The following MYSM1 variants were observed in gnomAD, a reference collection of about 807,000 sequenced individuals.
MYSM1 encodes the protein Myb like, SWIRM and MPN domains 1, also known as deubiquitinase MYSM1.
In MYSM1, 51 loss-of-function variants were observed where a neutral mutation model predicts 116.0. That is an observed-to-expected ratio of 0.44 (90% CI 0.35 to 0.56). MYSM1 has a LOEUF of 0.56. Among genes scored for constraint, MYSM1 ranks in the 20% least tolerant of loss-of-function variants. The probability of loss-of-function intolerance (pLI) is 0.00; values close to 1 mark genes in which losing one functional copy is unlikely to be tolerated. For synonymous variants in MYSM1, 313 were observed against 315.2 expected (o/e 0.99, Z 0.07); for missense variants, 900 against 974.9 (o/e 0.92, Z 1.02).
chr1:58,662,679 T>A (rs1644412085), intron 17 of MYSM1, among the ~76,000 whole-genome samples: 1 of 151,390 alleles, frequency 6.6e-6, no homozygotes, highest in African/African-American at 2.4e-5. Flanking sequence ...AGGGGAAAAA[T>A]ACAATTATTT....
At chr1:58,675,445 TG>T in intron 10 of MYSM1, 31 bp downstream of exon 10, 3 of 1,493,714 alleles carry the variant, frequency 2.0e-6, no homozygotes, top group Non-Finnish European at 2.8e-6. Context: ...AGCAGCAATG[TG>T]GAGAGATCAC....
At chr1:58,669,710 C>T (rs1644527046) in intron 12 of MYSM1, among the ~76,000 whole-genome samples, 1 of 151,622 alleles carries the variant, frequency 6.6e-6, no homozygotes, top group Admixed American at 6.6e-5. Context: ...TGCCTGTAGT[C>T]CCAGCCACTC....
At chr1:58,696,059 T>C (rs1296642689) in intron 1 of MYSM1, among the ~76,000 whole-genome samples, 2 of 152,240 alleles carry the variant, frequency 1.3e-5, no homozygotes, top group Admixed American at 6.5e-5. Flanking sequence ...GCAGTAGTTA[T>C]AATAAATTGT....
intron 16 of MYSM1, among the ~76,000 whole-genome samples, chr1:58,666,432 G>A (rs560365538): frequency 6.6e-6 from 1 of 151,900 alleles, no homozygotes; most frequent in African/African-American, 2.4e-5. Flanking sequence ...GGCTCTGGGA[G>A]TATTTACCAG....
chr1:58,673,057 G>GTAAT (rs1479304759), intron 11 of MYSM1, among the ~76,000 whole-genome samples: 1 of 152,058 alleles, frequency 6.6e-6, no homozygotes, highest in Non-Finnish European at 1.5e-5. Context: ...CTTTGAGGGA[G>GTAAT]GTATTATTAT....
intron 7 of MYSM1, among the ~76,000 whole-genome samples, chr1:58,684,482 G>A (rs556915589): frequency 2.0e-5 from 3 of 150,214 alleles, no homozygotes; most frequent in Admixed American, 1.3e-4. Flanking sequence ...GGAGAATGGC[G>A]TGAACCTGGG....
rs771551365 is a variant in MYSM1 at position 58,692,977 on chromosome 1, G to A, written c.148-46C>T. 2.8e-6 allele frequency: 4 copies of A among 1,439,424 alleles called. No individual in the cohort carries two copies. The Admixed American group carries it at 6.4e-5, about 23-fold the overall frequency. 89.2% of individuals were successfully genotyped at this position (1,439,424 alleles called of 1,614,324 possible). On this transcript the variant is annotated intron_variant, in intron 2 of 19. Coordinates refer to ENST00000472487, the MANE Select transcript of MYSM1 (RefSeq NM_001085487.3). ...TTTGTCTTTTTATTTATTGCTTTTTGAAATTATCTTCTGTTTTGGTAAAGA... is the reference window on the plus strand; with the variant it reads ...TTTGTCTTTTTATTTATTGCTTTTTAAAATTATCTTCTGTTTTGGTAAAGA...
intron 15 of MYSM1, 134 bp from the exon 16 acceptor site, chr1:58,667,360 A>C (rs995382790): frequency 7.0e-6 from 4 of 571,284 alleles, no homozygotes; most frequent in Non-Finnish European, 1.1e-5. Context: ...AGTTGCCTTT[A>C]ACTTGCAAAT....
In MYSM1 at chr1:58,690,724, T is replaced by C. The variant is rs528959250; in HGVS notation, c.219-307A>G. On this transcript the variant is annotated intron_variant, in intron 3 of 19. Coordinates refer to ENST00000472487, the MANE Select transcript of MYSM1 (RefSeq NM_001085487.3). ...GCTCATCAGCTATCATTAGTGTATT[T>C]TATGTGGGGCCCAAGAAAATTCTTC... Among the ~76,000 whole-genome samples the C allele has an allele frequency of 7.2e-5, 11 of 152,162 alleles. No homozygotes were observed. The East Asian group carries it at 2.1e-3, about 29-fold the overall frequency.
At chr1:58,663,172 A>C (rs1328018873) in intron 17 of MYSM1, among the ~76,000 whole-genome samples, 2 of 152,186 alleles carry the variant, frequency 1.3e-5, no homozygotes, top group Non-Finnish European at 2.9e-5. Flanking sequence ...CTCTCAATGA[A>C]AGTTGAAGAT....
chr1:58,662,815 C>T (rs559476598), intron 17 of MYSM1, among the ~76,000 whole-genome samples: 1 of 152,098 alleles, frequency 6.6e-6, no homozygotes, highest in South Asian at 2.1e-4. Context: ...TTTAATTGCT[C>T]AATTTTCCTC....
chr1:58,674,948 A>G (rs1487138959), intron 10 of MYSM1, among the ~76,000 whole-genome samples: 1 of 151,690 alleles, frequency 6.6e-6, no homozygotes, highest in Non-Finnish European at 1.5e-5. Context: ...AAAAAGAAAA[A>G]AAAAGTGTTG....
chr1:58,693,792 A>G (rs559510693), intron 2 of MYSM1, among the ~76,000 whole-genome samples: 1 of 152,338 alleles, frequency 6.6e-6, no homozygotes, highest in Non-Finnish European at 1.5e-5. Flanking sequence ...CCCAAAATTA[A>G]TTTTATAAAA....
chr1:58,695,123 ACTT>A lies in MYSM1; in HGVS notation c.147+3_147+5del, dbSNP rs760262734. The A allele has an allele frequency of 6.4e-7, 1 of 1,554,736 alleles. No homozygotes were observed. Among genetic ancestry groups the A allele is most frequent in the Non-Finnish European group, 8.9e-7 (1 of 1,127,626 alleles). On this transcript the variant is annotated splice_donor_5th_base_variant and intron_variant, in intron 2 of 19. Coordinates refer to ENST00000472487, the MANE Select transcript of MYSM1 (RefSeq NM_001085487.3). ...AATGCACCTGATATTTTTATAAAATACTTACAATAAGGCCATTCTCTGTTCTCC... is the reference window on the plus strand; with the variant it reads ...AATGCACCTGATATTTTTATAAAATAACAATAAGGCCATTCTCTGTTCTCC...
chr1:58,675,594 G>A lies in MYSM1; in HGVS notation c.1391-14C>T, dbSNP rs1644638220. 1 of 1,599,168 alleles carries A rather than the reference G, an allele frequency of 6.3e-7. No homozygotes were observed. ...ACACAGCCTGTTCTATTGGAATTCA[G>A]GAAAGATAAAACCATCTATTATTTT... On this transcript the variant is annotated splice_polypyrimidine_tract_variant and intron_variant, in intron 9 of 19. Coordinates refer to ENST00000472487, the MANE Select transcript of MYSM1 (RefSeq NM_001085487.3).
At position 58,675,499 on chromosome 1, in the gene MYSM1, A is replaced by G. The variant is rs376296690; in HGVS notation, c.1472T>C (p.Leu491Pro). The G allele has an allele frequency of 6.2e-7, 1 of 1,612,416 alleles. No individual in the cohort carries two copies. The highest frequency in any genetic ancestry group is 8.5e-7 in the Non-Finnish European group (1 of 1,179,058). The change falls in exon 10 of 20, where the codon CTT (leucine) becomes CCT (proline). Residue 491 changes from leucine to proline, a missense_variant. This residue lies in a region of MYSM1 where 622 missense variants were observed against 623.7 expected (regional missense o/e 1.00). Coordinates refer to ENST00000472487, the MANE Select transcript of MYSM1 (RefSeq NM_001085487.3). ...TACCATAGACTGCAGACGCTGGGCAAGTTGGTATGCTTCTACTGCATCTTT... is the reference window on the plus strand; with the variant it reads ...TACCATAGACTGCAGACGCTGGGCAGGTTGGTATGCTTCTACTGCATCTTT... ...DRKDAVEAYQ[L>P]AQRLQSMRTR...
chr1:58,695,061 AAAAAG>A, intron 2 of MYSM1, 63 bp downstream of exon 2: 7 of 879,804 alleles, frequency 8.0e-6, no homozygotes, highest in South Asian at 7.6e-5. Context: ...TTAAAAAAAA[AAAAAG>A]AAGAAGCACT....
chr1:58,661,045 AAAAGTAAT>A (rs1356444032), intron 19 of MYSM1, 117 bp downstream of exon 19: 5 of 710,792 alleles, frequency 7.0e-6, no homozygotes, highest in Non-Finnish European at 1.2e-5. Context: ...TTCCAAAGGA[AAAAGTAAT>A]AAAAGAAATA....
Position 58,681,776 on chromosome 1 carries a change from C to T in MYSM1, c.1259+9G>A. Reference sequence around the variant, plus strand: ...TTAAAACAACATCTATAATGTAATTCTTTCTTACCATTGATCCAAAATATA... The same window carrying T: ...TTAAAACAACATCTATAATGTAATTTTTTCTTACCATTGATCCAAAATATA... On this transcript the variant is annotated intron_variant, in intron 8 of 19. Transcript: ENST00000472487. 1 of 1,569,012 alleles carries T rather than the reference C, an allele frequency of 6.4e-7. No individual in the cohort carries two copies. The highest frequency in any genetic ancestry group is 8.6e-7 in the Non-Finnish European group (1 of 1,162,496).
Sources: allele counts gnomAD v4.1 joint callset (sites outside exome capture counted in the v4.1 genomes callset), GRCh38; gene constraint gnomAD v4.1.1; regional missense constraint gnomAD v4.1.1; transcripts MANE v1.5; gene names NCBI Gene and HGNC (gene_info 2026-07-23, HGNC 2026-07-21).